NHS: variants seen among roughly 807,000 people sequenced by gnomAD.
NHS encodes the protein actin remodeling regulator NHS.
In NHS, 5 loss-of-function variants were observed where a neutral mutation model predicts 72.5. The ratio of observed to expected loss-of-function variants is 0.07; its 90% CI spans 0.04 to 0.14. NHS has a LOEUF of 0.14. Ranked by LOEUF, NHS falls within the 10% of genes least tolerant of loss-of-function variation. The pLI, the probability that NHS is intolerant of heterozygous loss-of-function variation, is 1.00. For missense variants in NHS, 1,072 were observed against 1,355.7 expected, an observed-to-expected ratio of 0.79 and a Z score of 3.29; for synonymous variants, 464 against 547.7, an observed-to-expected ratio of 0.85 and a Z score of 2.13.
At chrX:17,578,358 G>A (rs141761966) in intron 1 of NHS, among the ~76,000 whole-genome samples, 264 of 112,404 alleles carry the variant, frequency 2.3e-3, no homozygotes, top group Non-Finnish European at 3.5e-3. Context: ...GTTACATGTG[G>A]GTAGAGGTAG....
intron 1 of NHS, among the ~76,000 whole-genome samples, chrX:17,561,902 A>AGGATGATATG (rs779546688): frequency 7.3e-5 from 8 of 109,848 alleles, no homozygotes; most frequent in Admixed American, 6.8e-4. Context: ...CTAATCTTGG[A>AGGATGATATG]GGATGATATG....
intron 1 of NHS, among the ~76,000 whole-genome samples, chrX:17,443,555 T>A (rs2064765920): frequency 8.9e-6 from 1 of 111,768 alleles, no homozygotes; most frequent in Non-Finnish European, 1.9e-5. Flanking sequence ...GGCCCACCAC[T>A]GAGTGAGCCC....
intron 1 of NHS, among the ~76,000 whole-genome samples, chrX:17,546,258 C>T (rs2065292607): frequency 8.9e-6 from 1 of 112,155 alleles, no homozygotes; most frequent in South Asian, 3.7e-4. Flanking sequence ...GCACAAGCCC[C>T]TTCTTCTTCC....
chrX:17,575,292 G>A (rs755626041), intron 1 of NHS, among the ~76,000 whole-genome samples: 1 of 113,064 alleles, frequency 8.8e-6, no homozygotes, highest in East Asian at 2.8e-4. Flanking sequence ...TGCATGACCT[G>A]GCAAGCTGTT....
intron 1 of NHS, among the ~76,000 whole-genome samples, chrX:17,529,871 G>C (rs2065190768): frequency 9.0e-6 from 1 of 111,380 alleles, no homozygotes; most frequent in Non-Finnish European, 1.9e-5. Flanking sequence ...CATAGGAAGG[G>C]ATGTCAGCTA....
chrX:17,585,987 TG>T (rs2065573643), intron 1 of NHS: 1 of 110,765 alleles, frequency 9.0e-6, no homozygotes, highest in South Asian at 3.9e-4. Flanking sequence ...GGGACCAGAC[TG>T]GAGATGCTTT....
intron 1 of NHS, among the ~76,000 whole-genome samples, chrX:17,381,639 T>C (rs2064378438): frequency 8.9e-6 from 1 of 112,904 alleles, no homozygotes; most frequent in Non-Finnish European, 1.9e-5. Flanking sequence ...TTCATTCTCA[T>C]TGCTGAATAA....
intron 1 of NHS, among the ~76,000 whole-genome samples, chrX:17,380,378 CT>C (rs201078044): frequency 0.19 from 18,223 of 94,233 alleles, 1,532 homozygotes; most frequent in South Asian, 0.5. Flanking sequence ...CTACAGAGAG[CT>C]TTTTTTTTTT....
At chrX:17,402,646 A>G (rs1489205667) in intron 1 of NHS, among the ~76,000 whole-genome samples, 1 of 111,791 alleles carries the variant, frequency 8.9e-6, no homozygotes, top group Non-Finnish European at 1.9e-5. Context: ...GCTGGGAAGA[A>G]GGGAATGGGA....
At chrX:17,540,721 T>C (rs1041472954) in intron 1 of NHS, among the ~76,000 whole-genome samples, 1 of 112,276 alleles carries the variant, frequency 8.9e-6, no homozygotes, top group African/African-American at 3.2e-5. Flanking sequence ...AAAACACAAG[T>C]CATTTCCCAA....
chrX:17,441,663 T>G (rs1300108716), intron 1 of NHS, among the ~76,000 whole-genome samples: 6 of 111,202 alleles, frequency 5.4e-5, no homozygotes, highest in African/African-American at 2.0e-4. Flanking sequence ...TTTTCCTTCC[T>G]TCCTTCCTTC....
At chrX:17,564,823 G>GT (rs763355206) in intron 1 of NHS, among the ~76,000 whole-genome samples, 1 of 111,983 alleles carries the variant, frequency 8.9e-6, no homozygotes, top group Non-Finnish European at 1.9e-5. Flanking sequence ...ATGTGGAAAT[G>GT]TTTGTTTAGG....
intron 1 of NHS, among the ~76,000 whole-genome samples, chrX:17,678,168 G>C (rs1475960350): frequency 9.0e-6 from 1 of 111,256 alleles, no homozygotes; most frequent in Non-Finnish European, 1.9e-5. Context: ...AAACGTACTT[G>C]AAAAAATTGC....
At chrX:17,702,395 C>T (rs2066270592) in intron 3 of NHS, among the ~76,000 whole-genome samples, 1 of 111,967 alleles carries the variant, frequency 8.9e-6, no homozygotes, top group South Asian at 3.7e-4. Flanking sequence ...TAAGGCATAA[C>T]TGTGGATTAA....
Position 17,546,530 on chromosome X carries a change from A to G in NHS, c.566-141212A>G, listed in dbSNP as rs748900447. 2.7e-5 allele frequency among the ~76,000 whole-genome samples: 3 copies of G among 112,528 alleles called. No individual in the cohort carries two copies. The South Asian group carries it at 1.1e-3, about 41-fold the overall frequency. On this transcript the variant is annotated intron_variant, in intron 1 of 8. Transcript: ENST00000676302. The stretch of plus-strand genomic sequence containing the variant: ...CACTCACCCAGAGAAACCTCTGAGT[A>G]TGATCTATTCATTCATTCATTGGTT...
At chrX:17,500,882 G>A (rs1450805383) in intron 1 of NHS, among the ~76,000 whole-genome samples, 2 of 111,996 alleles carry the variant, frequency 1.8e-5, no homozygotes, top group African/African-American at 6.5e-5. Flanking sequence ...TCACCTGAAA[G>A]TGGGGATAAT....
intron 1 of NHS, among the ~76,000 whole-genome samples, chrX:17,387,153 G>A (rs1379305996): frequency 8.9e-6 from 1 of 111,994 alleles, no homozygotes; most frequent in African/African-American, 3.2e-5. Context: ...GCAGCCACAG[G>A]TGCACTCCCC....
At chrX:17,436,650 C>T (rs1346158606) in intron 1 of NHS, among the ~76,000 whole-genome samples, 1 of 109,485 alleles carries the variant, frequency 9.1e-6, no homozygotes, top group Non-Finnish European at 1.9e-5. Flanking sequence ...AGCCACCTCT[C>T]CCCTTGGTGG....
chrX:17,507,574 T>C, intron 1 of NHS, among the ~76,000 whole-genome samples: 1 of 112,370 alleles, frequency 8.9e-6, no homozygotes, highest in Admixed American at 9.4e-5. Context: ...GAAAAGGTTT[T>C]CCCTTTTAGA....
Sources: allele counts gnomAD v4.1 joint callset (sites outside exome capture counted in the v4.1 genomes callset), GRCh38; gene constraint gnomAD v4.1.1; transcripts MANE v1.5; gene names NCBI Gene and HGNC (gene_info 2026-07-23, HGNC 2026-07-21).